The following TPST2 variants were observed in gnomAD, a reference collection of about 807,000 sequenced individuals.
TPST2 encodes protein-tyrosine sulfotransferase 2.
Under a neutral mutation model 27.8 loss-of-function variants are expected in TPST2, and 16 were observed. That is an observed-to-expected ratio of 0.58 (90% confidence interval 0.39 to 0.88). The LOEUF (loss-of-function observed/expected upper bound fraction) is 0.88. Among genes scored for constraint, TPST2 ranks in the 40% least tolerant of loss-of-function variants. The pLI is 0.00. For synonymous variants in TPST2, 229 were observed against 231.7 expected, an observed-to-expected ratio of 0.99 and a Z score of 0.10; for missense variants, 464 against 543.1, an observed-to-expected ratio of 0.85 and a Z score of 1.45.
intron 1 of TPST2, among the ~76,000 whole-genome samples, chr22:26,575,378 C>T (rs1010290363): frequency 4.6e-5 from 7 of 152,158 alleles, no homozygotes; most frequent in South Asian, 2.1e-4. Context: ...CAAATAATTA[C>T]GGCAATAACA....
At chr22:26,560,652 A>G in intron 1 of TPST2, 1 of 1,313,798 alleles carries the variant, frequency 7.6e-7, no homozygotes, top group Non-Finnish European at 1.1e-6. Context: ...AGAGTTTTCT[A>G]AGAAGTGCTC....
At chr22:26,575,053 T>C (rs556605110) in intron 1 of TPST2, among the ~76,000 whole-genome samples, 3 of 152,258 alleles carry the variant, frequency 2.0e-5, no homozygotes, top group African/African-American at 7.2e-5. Flanking sequence ...CTCAGTCTCA[T>C]TTCCCATCAC....
At chr22:26,579,267 T>A (rs1927992001) in intron 1 of TPST2, among the ~76,000 whole-genome samples, 1 of 152,220 alleles carries the variant, frequency 6.6e-6, no homozygotes, top group Non-Finnish European at 1.5e-5. Flanking sequence ...CGTAGCAGAA[T>A]GAAGGGCAAA....
At chr22:26,529,898 C>T (rs1310572652) in intron 5 of TPST2, among the ~76,000 whole-genome samples, 1 of 152,090 alleles carries the variant, frequency 6.6e-6, no homozygotes. Context: ...GATCTGAGAG[C>T]TAGGGACCAT....
At chr22:26,560,821 C>T (rs370781530) in intron 1 of TPST2, 2 of 1,497,290 alleles carry the variant, frequency 1.3e-6, no homozygotes, top group South Asian at 2.3e-5. Context: ...AAGAGGACTC[C>T]TTCGGCCTTC....
intron 3 of TPST2, among the ~76,000 whole-genome samples, chr22:26,538,813 A>G (rs927987899): frequency 2.0e-5 from 3 of 152,216 alleles, no homozygotes; most frequent in Non-Finnish European, 4.4e-5. Context: ...ACAGAGCGAG[A>G]CTCCGTCTCA....
chr22:26,543,891 A>G (rs140270508), intron 2 of TPST2, among the ~76,000 whole-genome samples: 2 of 152,202 alleles, frequency 1.3e-5, no homozygotes, highest in African/African-American at 4.8e-5. Context: ...CACAAAGCAG[A>G]AAGTAGCTTC....
chr22:26,567,126 G>A (rs999730876), intron 1 of TPST2, among the ~76,000 whole-genome samples: 2 of 152,160 alleles, frequency 1.3e-5, no homozygotes, highest in African/African-American at 4.8e-5. Flanking sequence ...AGACTAAGCC[G>A]ATTCTTTCCA....
At chr22:26,533,344 C>T (rs1224596836) in intron 4 of TPST2, among the ~76,000 whole-genome samples, 2 of 151,962 alleles carry the variant, frequency 1.3e-5, no homozygotes, top group Non-Finnish European at 2.9e-5. Context: ...TGGTTGAGCC[C>T]GGGAGGTTGA....
In TPST2 at chr22:26,576,393, G is replaced by C. The variant is rs184055437; in HGVS notation, c.-161+13660C>G. Among the ~76,000 whole-genome samples the C allele has an allele frequency of 1.4e-4, 21 of 152,232 alleles. No homozygotes were observed. In the East Asian group the frequency reaches 3.3e-3, roughly 24 times the overall value. ...ACAGGAGATTGACACCCAAGTAACA[G>C]GATAATTCACAGAATGAAATAAGAG... On this transcript the variant is annotated intron_variant, in intron 1 of 6. Transcript: ENST00000338754.
At chr22:26,551,883 C>CTTTTTTTTTTTTTTTTTTTTTT (rs1163793644) in intron 1 of TPST2, among the ~76,000 whole-genome samples, 3 of 66,438 alleles carry the variant, frequency 4.5e-5, no homozygotes, top group Non-Finnish European at 8.3e-5. Context: ...TTTTCTTTTT[C>CTTTTTTTTTTTTTTTTTTTTTT]TTTTTTTTTT....
chr22:26,584,377 G>C (rs1390018564), intron 1 of TPST2, among the ~76,000 whole-genome samples: 1 of 152,192 alleles, frequency 6.6e-6, no homozygotes, highest in Admixed American at 6.5e-5. Flanking sequence ...AAGGAGTGTG[G>C]ACAGAGGGAT....
At chr22:26,558,869 A>C (rs1042556535) in intron 1 of TPST2, among the ~76,000 whole-genome samples, 20 of 152,354 alleles carry the variant, frequency 1.3e-4, no homozygotes, top group Admixed American at 6.5e-4. Flanking sequence ...AAAAAATATA[A>C]AGTGTTTAAA....
intron 5 of TPST2, among the ~76,000 whole-genome samples, chr22:26,529,258 CT>C: frequency 6.6e-6 from 1 of 152,114 alleles, no homozygotes. Context: ...TTCCAAGTAG[CT>C]GGGACTACAG....
At chr22:26,555,613 C>T (rs955775888) in intron 1 of TPST2, among the ~76,000 whole-genome samples, 9 of 152,248 alleles carry the variant, frequency 5.9e-5, no homozygotes, top group Non-Finnish European at 8.8e-5. Context: ...CACAGTCCTG[C>T]CCATAATGAG....
At position 26,561,036 on chromosome 22, in the gene TPST2, G is replaced by C. The variant is rs1162151914; in HGVS notation, c.-160-16361C>G. On this transcript the variant is annotated intron_variant, in intron 1 of 6. Coordinates refer to ENST00000338754, the MANE Select transcript of TPST2 (RefSeq NM_003595.5). ...TCGAGCTAAAGGAAAGCCTGATGCA[G>C]CAAAAAAGGGAGTTGTCAAGGCTGA... 2.5e-6 allele frequency: 4 copies of C among 1,596,948 alleles called. No homozygotes were observed. In the Admixed American group the frequency reaches 6.9e-5, roughly 28 times the overall value.
intron 1 of TPST2, among the ~76,000 whole-genome samples, chr22:26,567,055 C>A (rs1927411059): frequency 6.6e-6 from 1 of 152,172 alleles, no homozygotes; most frequent in East Asian, 1.9e-4. Flanking sequence ...TGCTGACTGC[C>A]CCCTGGGGGT....
At chr22:26,536,118 A>G in intron 4 of TPST2, 170 bp downstream of exon 4, 1 of 994,470 alleles carries the variant, frequency 1.0e-6, no homozygotes, top group Non-Finnish European at 1.6e-6. Context: ...CAGCCCAAGC[A>G]AAATGGAAAT....
intron 1 of TPST2, among the ~76,000 whole-genome samples, chr22:26,557,989 G>T (rs1033829517): frequency 1.3e-4 from 19 of 150,852 alleles, no homozygotes; most frequent in African/African-American, 4.4e-4. Context: ...CAAGACTGCA[G>T]TGAGCTGTGA....
Sources: allele counts gnomAD v4.1 joint callset (sites outside exome capture counted in the v4.1 genomes callset), GRCh38; gene constraint gnomAD v4.1.1; transcripts MANE v1.5; gene names NCBI Gene and HGNC (gene_info 2026-07-23, HGNC 2026-07-21).